Variants in CDH12 observed in about 807,000 individuals in gnomAD.
CDH12 encodes cadherin-12.
In CDH12, 41 loss-of-function variants were observed where a neutral mutation model predicts 74.1. That is an observed-to-expected ratio of 0.55 (90% CI 0.43 to 0.72). The LOEUF is 0.72. Among genes scored for constraint, CDH12 ranks in the 30% least tolerant of loss-of-function variants. The pLI is 0.00. For missense variants in CDH12, 945 were observed against 977.2 expected (o/e 0.97, Z 0.44); for synonymous variants, 399 against 355.0 (o/e 1.12, Z -1.39).
At chr5:22,650,529 T>C (rs988684062) in intron 1 of CDH12, among the ~76,000 whole-genome samples, 2 of 152,044 alleles carry the variant, frequency 1.3e-5, no homozygotes, top group Admixed American at 1.3e-4. Context: ...CAAAATCATA[T>C]GTACACACTT....
chr5:22,325,839 C>G (rs6452080), intron 3 of CDH12, among the ~76,000 whole-genome samples: 1 of 151,886 alleles, frequency 6.6e-6, no homozygotes. Flanking sequence ...ACCCGGGAGG[C>G]GGAGCTTGCA....
At chr5:22,758,929 T>C (rs1223475906) in intron 1 of CDH12, among the ~76,000 whole-genome samples, 1 of 152,142 alleles carries the variant, frequency 6.6e-6, no homozygotes, top group East Asian at 1.9e-4. Context: ...CCAACCTCAT[T>C]CCATCAGGTA....
chr5:22,810,140 C>T (rs1581023029), intron 1 of CDH12, among the ~76,000 whole-genome samples: 1 of 152,056 alleles, frequency 6.6e-6, no homozygotes, highest in East Asian at 1.9e-4. Flanking sequence ...TCAGTGACAA[C>T]AGTAGAAAAA....
chr5:22,384,652 A>T (rs1226909864), intron 3 of CDH12, among the ~76,000 whole-genome samples: 1 of 152,172 alleles, frequency 6.6e-6, no homozygotes, highest in Non-Finnish European at 1.5e-5. Context: ...AACAACAGCT[A>T]GACTATTAGA....
chr5:22,024,442 T>C (rs1738207763), intron 5 of CDH12, among the ~76,000 whole-genome samples: 1 of 152,186 alleles, frequency 6.6e-6, no homozygotes, highest in African/African-American at 2.4e-5. Context: ...AACTACTCAC[T>C]TTCAACAATA....
intron 3 of CDH12, among the ~76,000 whole-genome samples, chr5:22,283,273 CACAT>C (rs1178294254): frequency 4.6e-4 from 67 of 145,932 alleles, no homozygotes; most frequent in South Asian, 1.3e-3. Context: ...CACACACACA[CACAT>C]ATACACACAT....
At chr5:22,259,569 T>C (rs574619800) in intron 3 of CDH12, among the ~76,000 whole-genome samples, 1 of 152,090 alleles carries the variant, frequency 6.6e-6, no homozygotes, top group Non-Finnish European at 1.5e-5. Context: ...TTTTAAGTTT[T>C]AATTTGTTGT....
chr5:22,293,316 T>G (rs1195557292), intron 3 of CDH12, among the ~76,000 whole-genome samples: 3 of 152,144 alleles, frequency 2.0e-5, no homozygotes, highest in Non-Finnish European at 4.4e-5. Context: ...ACCAGAAGAA[T>G]GAGCAGCACC....
chr5:22,831,599 A>G (rs190743329), intron 1 of CDH12, among the ~76,000 whole-genome samples: 21 of 152,218 alleles, frequency 1.4e-4, no homozygotes, highest in Admixed American at 1.4e-3. Context: ...ATTTTGCAGT[A>G]AAAATTATTA....
chr5:21,869,266 G>A (rs1418479864), intron 6 of CDH12, among the ~76,000 whole-genome samples: 1 of 152,096 alleles, frequency 6.6e-6, no homozygotes. Context: ...CATGCCCTAT[G>A]ATTAAGGTCA....
intron 1 of CDH12, among the ~76,000 whole-genome samples, chr5:22,748,465 G>A (rs960177554): frequency 1.3e-5 from 2 of 152,184 alleles, no homozygotes; most frequent in African/African-American, 2.4e-5. Context: ...GATAAAAGCA[G>A]GGTCTCAAAA....
At chr5:22,336,060 G>A (rs1162542546) in intron 3 of CDH12, among the ~76,000 whole-genome samples, 3 of 152,108 alleles carry the variant, frequency 2.0e-5, no homozygotes, top group Non-Finnish European at 4.4e-5. Context: ...AACTTGTTCG[G>A]AACTGGAGCA....
chr5:22,621,492 T>C (rs1737970878), intron 1 of CDH12, among the ~76,000 whole-genome samples: 3 of 152,096 alleles, frequency 2.0e-5, no homozygotes, highest in Middle Eastern at 3.4e-3. Flanking sequence ...AAAAAAATTC[T>C]CAGAATAAAA....
intron 1 of CDH12, among the ~76,000 whole-genome samples, chr5:22,780,651 C>G (rs910308520): frequency 6.6e-6 from 1 of 152,020 alleles, no homozygotes; most frequent in Admixed American, 6.6e-5. Flanking sequence ...GTCCCTCTCA[C>G]GATATGTGGG....
At chr5:22,795,916 G>A (rs1173132693) in intron 1 of CDH12, among the ~76,000 whole-genome samples, 1 of 152,018 alleles carries the variant, frequency 6.6e-6, no homozygotes, top group African/African-American at 2.4e-5. Context: ...TTTATTTGAG[G>A]AAATGGATAA....
chr5:22,113,996 T>G (rs1190971977), intron 4 of CDH12, among the ~76,000 whole-genome samples: 1 of 152,132 alleles, frequency 6.6e-6, no homozygotes, highest in Non-Finnish European at 1.5e-5. Context: ...CAATATGACA[T>G]CAGGTGGCAT....
chr5:22,160,209 T>C (rs1748259901), intron 4 of CDH12, among the ~76,000 whole-genome samples: 1 of 152,158 alleles, frequency 6.6e-6, no homozygotes, highest in South Asian at 2.1e-4. Context: ...CAGAAAAATG[T>C]CCACAGAAGG....
chr5:22,183,933 G>C (rs1749789419), intron 4 of CDH12, among the ~76,000 whole-genome samples: 1 of 151,954 alleles, frequency 6.6e-6, no homozygotes, highest in Non-Finnish European at 1.5e-5. Flanking sequence ...AATAACTAGA[G>C]TAGAGTCATT....
chr5:22,430,094 T>A (rs1032291755), intron 2 of CDH12, among the ~76,000 whole-genome samples: 2 of 152,178 alleles, frequency 1.3e-5, no homozygotes, highest in Non-Finnish European at 2.9e-5. Flanking sequence ...ATACTTTTAC[T>A]ACTTGAGAAA....
Sources: gnomAD v4.1 joint callset for allele counts (sites outside exome capture counted in the v4.1 genomes callset) on GRCh38, gnomAD v4.1.1 for gene constraint, MANE v1.5 for transcripts, NCBI Gene and HGNC (gene_info 2026-07-23, HGNC 2026-07-21) for gene names.